The following CALML4 variants were observed in gnomAD, a reference collection of about 807,000 sequenced individuals.
CALML4 encodes calmodulin like 4.
A neutral mutation model predicts 17.9 loss-of-function variants in CALML4; 16 were observed. The ratio of observed to expected loss-of-function variants is 0.89; its 90% confidence interval spans 0.61 to 1.36. CALML4 has a LOEUF of 1.36. Among genes scored for constraint, CALML4 ranks in the 40% most tolerant of loss-of-function variants. The probability of loss-of-function intolerance (pLI) is 0.00; values close to 1 mark genes in which losing one functional copy is unlikely to be tolerated. For synonymous variants in CALML4, 86 were observed against 71.5 expected (o/e 1.20, Z -1.02); for missense variants, 203 against 194.8 (o/e 1.04, Z -0.25).
chr15:68,200,825 C>T lies in CALML4; in HGVS notation c.35-1144G>A, dbSNP rs2093163089. On this transcript the variant is annotated intron_variant, in intron 2 of 4. Transcript: ENST00000467889. The surrounding 1 kb of genome is among the most constrained non-coding windows in gnomAD (Gnocchi z 4.3). ...ATGACAATTCACGTTGCTGAGCACT[C>T]CACCCCCAGGCCCTCGCTTCATCCC... Among the ~76,000 whole-genome samples, 1 of 152,176 alleles carries T rather than the reference C, an allele frequency of 6.6e-6. No individual in the cohort carries two copies. Among genetic ancestry groups the T allele is most frequent in the African/African-American group, 2.4e-5 (1 of 41,434 alleles).
At position 68,191,355 on chromosome 15, in the gene CALML4, A is replaced by T. The variant is rs117108060; in HGVS notation, c.*2660T>A. On this transcript the variant is annotated 3_prime_UTR_variant, in exon 5 of 5. Coordinates refer to ENST00000467889, the MANE Select transcript of CALML4 (RefSeq NM_033429.3). ...AGACAATGTCAGTTTGTATAAAAGT[A>T]CCAAGTGAAAATATTTATTACATGC... is the stretch of plus-strand genomic sequence containing the variant. 6.5e-6 allele frequency: 1 copy of T among 152,698 alleles called. No individual in the cohort carries two copies. The highest frequency in any genetic ancestry group is 2.4e-5 in the African/African-American group (1 of 41,472). 9.5% of individuals were successfully genotyped at this position (152,698 alleles called of 1,614,324 possible). A position where few individuals can be genotyped will look rare whatever the true frequency, so the allele number is the denominator to read the frequency against.
At chr15:68,196,847 GT>G (rs1411216609) in intron 4 of CALML4, among the ~76,000 whole-genome samples, 1 of 152,230 alleles carries the variant, frequency 6.6e-6, no homozygotes, top group Non-Finnish European at 1.5e-5. Context: ...AACCCTGCCT[GT>G]CTCGGCAGTT....
At chr15:68,205,586 C>T, upstream of CALML4, 1 of 604,148 alleles carries the variant, frequency 1.7e-6, no homozygotes, top group South Asian at 2.0e-5. The surrounding 1 kb of genome is among the most constrained non-coding windows in gnomAD (Gnocchi z 4.8). Flanking sequence ...GGTCTTCTCT[C>T]TCTCTCCTGG....
In CALML4 at chr15:68,205,332, T is replaced by G. The variant is rs759824444; in HGVS notation, c.-85A>C. On this transcript the variant is annotated 5_prime_UTR_variant, in exon 1 of 5. Transcript: ENST00000467889. The surrounding 1 kb of genome is among the most constrained non-coding windows in gnomAD (Gnocchi z 4.8). Reference sequence around the variant, plus strand: ...TTCCTCCAGCCTCAAGTCTAAAGTCTGCCAAGCTGGGTGGAGGCCCGGGTA... The same window carrying G: ...TTCCTCCAGCCTCAAGTCTAAAGTCGGCCAAGCTGGGTGGAGGCCCGGGTA... 2.5e-6 allele frequency: 4 copies of G among 1,614,094 alleles called. No individual in the cohort carries two copies. The highest frequency in any genetic ancestry group is 3.3e-5 in the Admixed American group (2 of 60,024).
At position 68,194,337 on chromosome 15, in the gene CALML4, G is replaced by GT. The variant is rs1157929579; in HGVS notation, c.365-226dup. ...ATCGGGCTTTCTGCAGGGGCAGGGA[G>GT]TAGGGAGGTGTACTGGTAAGGATTC... On this transcript the variant is annotated intron_variant, in intron 4 of 4. Coordinates refer to ENST00000467889, the MANE Select transcript of CALML4 (RefSeq NM_033429.3). 6.6e-5 allele frequency among the ~76,000 whole-genome samples: 10 copies of GT among 151,354 alleles called. No individual in the cohort carries two copies. In the East Asian group the frequency reaches 1.7e-3, roughly 26 times the overall value.
chr15:68,203,723 C>A (rs1029129022), intron 2 of CALML4, among the ~76,000 whole-genome samples: 1 of 152,154 alleles, frequency 6.6e-6, no homozygotes, highest in Non-Finnish European at 1.5e-5. Flanking sequence ...GGTGGCATAT[C>A]CTACTTCATA....
Position 68,193,899 on chromosome 15 carries a change from G to T in CALML4, c.*116C>A. On this transcript the variant is annotated 3_prime_UTR_variant, in exon 5 of 5. Coordinates refer to ENST00000467889, the MANE Select transcript of CALML4 (RefSeq NM_033429.3). ...TAGTTAGCCTCTCTTCTATAGTTGG[G>T]TAATGTTGTCTTGCCACTGTGTTTG... 1.5e-6 allele frequency: 1 copy of T among 675,776 alleles called. No homozygotes were observed. The allele number at this position is 675,776 out of a possible 1,614,324, so 41.9% of individuals were successfully genotyped here.
intron 4 of CALML4, among the ~76,000 whole-genome samples, chr15:68,194,933 T>TAAAAA (rs35301423): frequency 7.4e-6 from 1 of 134,704 alleles, no homozygotes; most frequent in South Asian, 2.4e-4. Context: ...CCATCACCTC[T>TAAAAA]AAAAAAAAAA....
At chr15:68,194,948 ATGT>A (rs1157839957) in intron 4 of CALML4, among the ~76,000 whole-genome samples, 2 of 150,424 alleles carry the variant, frequency 1.3e-5, no homozygotes, top group African/African-American at 2.5e-5. Context: ...AAAAAAAAAA[ATGT>A]TTGGGGGATG....
At chr15:68,199,482 C>G in intron 3 of CALML4, 59 bp downstream of exon 3, 1 of 1,548,640 alleles carries the variant, frequency 6.5e-7, no homozygotes, top group South Asian at 1.2e-5. Flanking sequence ...CACACCTCTA[C>G]TGTCTGCACC....
rs963361439 is a variant in CALML4 at position 68,191,287 on chromosome 15, A to C, written c.*2728T>G. The C allele has an allele frequency of 7.2e-5, 11 of 152,678 alleles. No homozygotes were observed. The highest frequency in any genetic ancestry group is 2.7e-4 in the African/African-American group (11 of 41,472). 9.5% of individuals were successfully genotyped at this position (152,678 alleles called of 1,614,324 possible). A position where few individuals can be genotyped will look rare whatever the true frequency, so the allele number is the denominator to read the frequency against. On this transcript the variant is annotated 3_prime_UTR_variant, in exon 5 of 5. Coordinates refer to ENST00000467889, the MANE Select transcript of CALML4 (RefSeq NM_033429.3). ...AAACTTTCTCTCTTAGAATTTCCAT[A>C]CCGCATGCCAAACCAGTAAAATGGC...
At chr15:68,196,836 G>T (rs990436652) in intron 4 of CALML4, among the ~76,000 whole-genome samples, 4 of 152,222 alleles carry the variant, frequency 2.6e-5, no homozygotes, top group Non-Finnish European at 5.9e-5. Context: ...CTGGAACCAG[G>T]AACCCTGCCT....
intron 4 of CALML4, among the ~76,000 whole-genome samples, chr15:68,195,187 A>G (rs1016994536): frequency 1.3e-5 from 2 of 152,136 alleles, no homozygotes; most frequent in Non-Finnish European, 2.9e-5. Flanking sequence ...TCAACCTACC[A>G]TGGCTCTTTA....
At position 68,197,979 on chromosome 15, in the gene CALML4, G is replaced by A; in HGVS notation, c.176-351C>T. On this transcript the variant is annotated intron_variant, in intron 3 of 4. Transcript: ENST00000467889. The surrounding 1 kb of genome is among the most constrained non-coding windows in gnomAD (Gnocchi z 4.1). The stretch of plus-strand genomic sequence containing the variant: ...ACTGGAGGGAAACAGGTCCATGTGT[G>A]CATTCCACCTTTGACAGCCACCACA... 1 of 217,444 alleles carries A rather than the reference G, an allele frequency of 4.6e-6. No homozygotes were observed. Among genetic ancestry groups the A allele is most frequent in the Non-Finnish European group, 9.2e-6 (1 of 108,442 alleles). The allele number at this position is 217,444 out of a possible 1,614,324, so 13.5% of individuals were successfully genotyped here. A position where few individuals can be genotyped will look rare whatever the true frequency, so the allele number is the denominator to read the frequency against.
upstream of CALML4, chr15:68,205,333 GC>G: frequency 6.2e-7 from 1 of 1,614,068 alleles, no homozygotes; most frequent in Non-Finnish European, 8.5e-7. This position sits in a 1 kb window ranked among gnomAD's most constrained non-coding sequence, Gnocchi z 4.8. Flanking sequence ...TCTAAAGTCT[GC>G]CAAGCTGGGT....
intron 2 of CALML4, 46 bp from the exon 3 acceptor site, chr15:68,199,727 C>G: frequency 6.4e-7 from 1 of 1,572,852 alleles, no homozygotes; most frequent in Non-Finnish European, 8.7e-7. Context: ...GGTCACTCTC[C>G]GCCCATGCCG....
Position 68,192,979 on chromosome 15 carries a change from G to C in CALML4, c.*1036C>G, listed in dbSNP as rs1774603073. 1 of 152,320 alleles carries C rather than the reference G, an allele frequency of 6.6e-6. No homozygotes were observed. The highest frequency in any genetic ancestry group is 2.1e-4 in the South Asian group (1 of 4,826). 9.4% of individuals were successfully genotyped at this position (152,320 alleles called of 1,614,324 possible). A position where few individuals can be genotyped will look rare whatever the true frequency, so the allele number is the denominator to read the frequency against. On this transcript the variant is annotated 3_prime_UTR_variant, in exon 5 of 5. Transcript: ENST00000467889. ...GGCAGCACCAACCTGGCACCTTCTA[G>C]CTGTGTAACTCACTCAAAGCCACTC...
rs1161865973 is a variant in CALML4, at chr15:68,193,034, G to C, written c.*981C>G. ...TGGATGGACTCCCAGAAAGCCTAGT[G>C]CTCCTACTACTGTTTTCCAGGGCTG... On this transcript the variant is annotated 3_prime_UTR_variant, in exon 5 of 5. Coordinates refer to ENST00000467889, the MANE Select transcript of CALML4 (RefSeq NM_033429.3). The C allele has an allele frequency of 6.6e-6, 1 of 152,324 alleles. No homozygotes were observed. Among genetic ancestry groups the C allele is most frequent in the African/African-American group, 2.4e-5 (1 of 41,466 alleles). 9.4% of individuals were successfully genotyped at this position (152,324 alleles called of 1,614,324 possible). A position where few individuals can be genotyped will look rare whatever the true frequency, so the allele number is the denominator to read the frequency against.
Position 68,200,182 on chromosome 15 carries a change from A to C in CALML4, c.35-501T>G, listed in dbSNP as rs2093160955. 6.6e-6 allele frequency among the ~76,000 whole-genome samples: 1 copy of C among 152,334 alleles called. No homozygotes were observed. The highest frequency in any genetic ancestry group is 6.5e-5 in the Admixed American group (1 of 15,302). On this transcript the variant is annotated intron_variant, in intron 2 of 4. Transcript: ENST00000467889. The surrounding 1 kb of genome is among the most constrained non-coding windows in gnomAD (Gnocchi z 4.3). Reference sequence around the variant, plus strand: ...ACTTTTCTGGACAATGGGAATAATAAGGCCTCAGGATTACTGTGAGAGCCA... The same window carrying C: ...ACTTTTCTGGACAATGGGAATAATACGGCCTCAGGATTACTGTGAGAGCCA...
Sources: allele counts gnomAD v4.1 joint callset (sites outside exome capture counted in the v4.1 genomes callset), GRCh38; gene constraint gnomAD v4.1.1; non-coding constraint Gnocchi (gnomAD v3.1); transcripts MANE v1.5; gene names NCBI Gene and HGNC (gene_info 2026-07-23, HGNC 2026-07-21).